The following MYH11 variants were observed in gnomAD, a reference collection of about 807,000 sequenced individuals.
The protein encoded by MYH11 is myosin heavy chain 11.
MYH11 carries 80 observed loss-of-function variants against 246.6 expected under a neutral mutation model. The ratio of observed to expected loss-of-function variants is 0.32; its 90% confidence interval spans 0.27 to 0.39. The LOEUF (loss-of-function observed/expected upper bound fraction) is 0.39. Among genes scored for constraint, MYH11 ranks in the 10% least tolerant of loss-of-function variants. MYH11 has a pLI of 1.00. For missense variants in MYH11, 2,158 were observed against 2,546.8 expected, an observed-to-expected ratio of 0.85 and a Z score of 3.29; for synonymous variants, 1,071 against 1,015.5, an observed-to-expected ratio of 1.05 and a Z score of -1.04.
In MYH11 at chr16:15,846,476, G is replaced by A. The variant is rs919077408; in HGVS notation, c.-17-8207C>T. The stretch of plus-strand genomic sequence containing the variant: ...TGTGCAATGATTGCAAGGACAGAAC[G>A]TGAGGGGGGCTTGTGAGGGTTGACC... On this transcript the variant is annotated intron_variant, in intron 1 of 40. Transcript: ENST00000300036. Among the ~76,000 whole-genome samples the A allele has an allele frequency of 3.9e-5, 6 of 152,292 alleles. No individual in the cohort carries two copies. In the South Asian group the frequency reaches 1.0e-3, roughly 26 times the overall value.
At chr16:15,809,759 C>CA (rs2043096145) in intron 3 of MYH11, among the ~76,000 whole-genome samples, 1 of 151,806 alleles carries the variant, frequency 6.6e-6, no homozygotes, top group African/African-American at 2.4e-5. Context: ...CTCATCTCTA[C>CA]AAAAAATACA....
chr16:15,763,741 T>TCGGGGGGCCCC, intron 10 of MYH11, 55 bp downstream of exon 10: 1 of 646,858 alleles, frequency 1.5e-6, no homozygotes, highest in Non-Finnish European at 2.9e-6. Context: ...AAATGTCACC[T>TCGGGGGGCCCC]CCCCCACCCC....
At chr16:15,720,104 A>G (rs1314901601) in intron 34 of MYH11, 47 bp downstream of exon 34, 2 of 1,613,088 alleles carry the variant, frequency 1.2e-6, no homozygotes, top group African/African-American at 1.3e-5. Context: ...CCTGAGGGGA[A>G]CTGTGCCCTC....
rs562758744 is a variant in MYH11, at chr16:15,846,489, G to C, written c.-17-8220C>G. ...CAAGGACAGAACGTGAGGGGGGCTT[G>C]TGAGGGTTGACCTCTAGATCTTCAT... is the stretch of plus-strand genomic sequence containing the variant. On this transcript the variant is annotated intron_variant, in intron 1 of 40. Coordinates refer to ENST00000300036, the MANE Select transcript of MYH11 (RefSeq NM_002474.3). Among the ~76,000 whole-genome samples, 23 of 152,294 alleles carry C rather than the reference G, an allele frequency of 1.5e-4. No homozygotes were observed. The South Asian group carries it at 4.8e-3, about 32-fold the overall frequency.
chr16:15,786,479 C>T (rs954952336), intron 5 of MYH11, 151 bp downstream of exon 5: 1 of 845,626 alleles, frequency 1.2e-6, no homozygotes, highest in African/African-American at 1.7e-5. Flanking sequence ...GCCTGCTCGC[C>T]AAAAAGACGG....
intron 12 of MYH11, 117 bp from the exon 13 acceptor site, chr16:15,758,117 C>G: frequency 1.4e-6 from 2 of 1,466,550 alleles, no homozygotes; most frequent in Non-Finnish European, 1.9e-6. Context: ...TCCTGTTCTG[C>G]CATCCCAGCA....
At chr16:15,816,937 A>G (rs1292284222) in intron 3 of MYH11, among the ~76,000 whole-genome samples, 1 of 152,216 alleles carries the variant, frequency 6.6e-6, no homozygotes, top group Non-Finnish European at 1.5e-5. Flanking sequence ...TAAAAAAGGG[A>G]ACAAGGAATT....
intron 1 of MYH11, among the ~76,000 whole-genome samples, chr16:15,847,795 C>G (rs1419887080): frequency 6.6e-6 from 1 of 152,128 alleles, no homozygotes; most frequent in Non-Finnish European, 1.5e-5. Context: ...TTACGACGTG[C>G]AAAATCTGCT....
At chr16:15,779,799 T>C (rs2042304222) in intron 6 of MYH11, among the ~76,000 whole-genome samples, 1 of 152,192 alleles carries the variant, frequency 6.6e-6, no homozygotes. Flanking sequence ...AAACCAAGGA[T>C]GGAACCCAAT....
chr16:15,811,498 C>T (rs2043136341), intron 3 of MYH11, among the ~76,000 whole-genome samples: 1 of 152,062 alleles, frequency 6.6e-6, no homozygotes, highest in Non-Finnish European at 1.5e-5. Context: ...GGGGAGGCTG[C>T]CACCCACCCT....
At chr16:15,835,879 T>A (rs8062910) in intron 2 of MYH11, among the ~76,000 whole-genome samples, 5 of 151,330 alleles carry the variant, frequency 3.3e-5, no homozygotes, top group African/African-American at 1.2e-4. Context: ...TCAGCCTCCC[T>A]GAGTAGCTGG....
At chr16:15,707,670 G>C (rs1458736932) in intron 40 of MYH11, among the ~76,000 whole-genome samples, 5 of 152,206 alleles carry the variant, frequency 3.3e-5, no homozygotes, top group Non-Finnish European at 7.3e-5. Context: ...GGTGAAGTCA[G>C]ATCCACATGG....
intron 7 of MYH11, among the ~76,000 whole-genome samples, chr16:15,778,274 A>G (rs546902905): frequency 1.3e-5 from 2 of 152,302 alleles, no homozygotes; most frequent in South Asian, 4.1e-4. Flanking sequence ...TAAGAAGTGG[A>G]GCCGATCACA....
At position 15,798,742 on chromosome 16, in the gene MYH11, G is replaced by A; in HGVS notation, c.503-55C>T. Reference sequence around the variant, plus strand: ...TGAATTAAAATGAGCTCTGAGCTAAGGGTCTGGACTTGGCTCCTCCCAGGG... The same window carrying A: ...TGAATTAAAATGAGCTCTGAGCTAAAGGTCTGGACTTGGCTCCTCCCAGGG... On this transcript the variant is annotated intron_variant, in intron 3 of 40. Coordinates refer to ENST00000300036, the MANE Select transcript of MYH11 (RefSeq NM_002474.3). 1.3e-5 allele frequency: 20 copies of A among 1,584,058 alleles called. No homozygotes were observed. In the South Asian group the frequency reaches 1.9e-4, roughly 15 times the overall value.
At chr16:15,742,178 C>T in intron 20 of MYH11, 1 of 526,942 alleles carries the variant, frequency 1.9e-6, no homozygotes, top group Non-Finnish European at 3.4e-6. Flanking sequence ...CTGAGGAGCT[C>T]TAAATCAGAG....
At chr16:15,836,547 A>G (rs2043898416) in intron 2 of MYH11, among the ~76,000 whole-genome samples, 1 of 146,494 alleles carries the variant, frequency 6.8e-6, no homozygotes, top group African/African-American at 2.5e-5. Flanking sequence ...TTACAGGCGC[A>G]CACCATCATG....
chr16:15,767,828 G>C (rs1463363012), intron 9 of MYH11, among the ~76,000 whole-genome samples: 1 of 151,838 alleles, frequency 6.6e-6, no homozygotes, highest in South Asian at 2.1e-4. Context: ...GGAAAAGCCA[G>C]GAACAGCCAG....
intron 10 of MYH11, 58 bp downstream of exon 10, chr16:15,763,738 A>AGCTGGGGGCCCCCC: frequency 1.4e-6 from 1 of 717,694 alleles, no homozygotes; most frequent in Non-Finnish European, 2.6e-6. Context: ...GTTAAATGTC[A>AGCTGGGGGCCCCCC]CCTCCCCCAC....
At chr16:15,755,957 G>T (rs181653735) in intron 14 of MYH11, among the ~76,000 whole-genome samples, 29 of 152,050 alleles carry the variant, frequency 1.9e-4, no homozygotes, top group African/African-American at 4.8e-4. Flanking sequence ...TTTTAGCTGG[G>T]CATGGTGGTG....
Sources: allele counts gnomAD v4.1 joint callset (sites outside exome capture counted in the v4.1 genomes callset), GRCh38; gene constraint gnomAD v4.1.1; transcripts MANE v1.5; gene names NCBI Gene and HGNC (gene_info 2026-07-23, HGNC 2026-07-21).